Variants in GLIS3 observed in about 807,000 individuals in gnomAD.
GLIS3 encodes the protein GLIS family zinc finger 3.
Under a neutral mutation model 78.6 loss-of-function variants are expected in GLIS3, and 53 were observed. The observed-to-expected ratio is 0.67, with a 90% confidence interval of 0.54 to 0.85. The LOEUF (loss-of-function observed/expected upper bound fraction) is 0.85. Among genes scored for constraint, GLIS3 ranks in the 40% least tolerant of loss-of-function variants. The pLI is 0.00. For missense variants in GLIS3, 1,703 were observed against 1,231.1 expected, an observed-to-expected ratio of 1.38 and a Z score of -5.74; for synonymous variants, 684 against 509.9, an observed-to-expected ratio of 1.34 and a Z score of -4.60.
At chr9:4,301,736 A>G (rs1322450090), upstream of GLIS3, among the ~76,000 whole-genome samples, 1 of 152,236 alleles carries the variant, frequency 6.6e-6, no homozygotes, top group Non-Finnish European at 1.5e-5. Context: ...AGAAGCTTCT[A>G]AAACTTCCCA....
intron 8 of GLIS3, among the ~76,000 whole-genome samples, chr9:3,871,376 T>C (rs1423368234): frequency 6.6e-6 from 1 of 152,200 alleles, no homozygotes; most frequent in African/African-American, 2.4e-5. Flanking sequence ...AGTGTCCCAG[T>C]AGAGACTCTG....
chr9:4,392,017 C>T, the GLIS3 span, among the ~76,000 whole-genome samples: 1 of 152,152 alleles, frequency 6.6e-6, no homozygotes, highest in African/African-American at 2.4e-5. Context: ...CCATCAGTGA[C>T]AGACTGGATA....
chr9:4,392,043 A>G, the GLIS3 span, among the ~76,000 whole-genome samples: 1 of 152,302 alleles, frequency 6.6e-6, no homozygotes, highest in Non-Finnish European at 1.5e-5. Flanking sequence ...AATGTGGTAC[A>G]TTATACACCA....
the GLIS3 span, among the ~76,000 whole-genome samples, chr9:4,486,273 A>C: frequency 6.6e-6 from 1 of 152,300 alleles, no homozygotes; most frequent in African/African-American, 2.4e-5. Context: ...CCCACAAAGA[A>C]GTGGAAGTTC....
chr9:3,921,572 T>C (rs1232684849), intron 6 of GLIS3, among the ~76,000 whole-genome samples: 3 of 152,118 alleles, frequency 2.0e-5, no homozygotes, highest in Admixed American at 6.5e-5. Flanking sequence ...GAGTTGGCCT[T>C]TGTAAAAGTG....
chr9:4,216,624 G>T (rs1820875542), intron 2 of GLIS3, among the ~76,000 whole-genome samples: 1 of 152,044 alleles, frequency 6.6e-6, no homozygotes, highest in African/African-American at 2.4e-5. Context: ...TGCCATTTAT[G>T]AGTTCATGGT....
At position 4,118,266 on chromosome 9, in the gene GLIS3, CTGCAGGCCGCCGTGCTCCAGCTGT is replaced by C. The variant is rs1831868484; in HGVS notation, c.1188_1211del (p.Gln397_Gln404del). Reference sequence around the variant, plus strand: ...CCACCATGTGGTTGACCAGGCCTGGCTGCAGGCCGCCGTGCTCCAGCTGTTGCATGCGCTCGTGCTCCAGGGCCC... The same window carrying C: ...CCACCATGTGGTTGACCAGGCCTGGCTGCATGCGCTCGTGCTCCAGGGCCC... On this transcript the variant is annotated inframe_deletion, in exon 4 of 11. Transcript: ENST00000381971. This position sits in a 1 kb window ranked among gnomAD's most constrained non-coding sequence, Gnocchi z 4.7. 1.3e-6 allele frequency: 2 copies of C among 1,587,842 alleles called. No homozygotes were observed. The highest frequency in any genetic ancestry group is 4.6e-5 in the East Asian group (2 of 43,804).
chr9:4,241,829 C>T (rs1259224214), intron 2 of GLIS3, among the ~76,000 whole-genome samples: 4 of 152,168 alleles, frequency 2.6e-5, no homozygotes, highest in East Asian at 3.9e-4. Flanking sequence ...ATTACAGGCA[C>T]GTACCACCAT....
At chr9:4,335,287 G>C (rs145624353) in intron 2 of GLIS3, among the ~76,000 whole-genome samples, 1 of 152,108 alleles carries the variant, frequency 6.6e-6, no homozygotes, top group Non-Finnish European at 1.5e-5. Context: ...CTCCAGTGAC[G>C]ATCAAAGTCT....
the GLIS3 span, among the ~76,000 whole-genome samples, chr9:4,484,559 C>T: frequency 1.3e-5 from 2 of 151,824 alleles, no homozygotes; most frequent in Admixed American, 6.6e-5. Flanking sequence ...GCTGGGATTA[C>T]AGGCCCTGCC....
At chr9:4,141,229 G>A (rs1012517946) in intron 2 of GLIS3, among the ~76,000 whole-genome samples, 1 of 152,180 alleles carries the variant, frequency 6.6e-6, no homozygotes, top group Non-Finnish European at 1.5e-5. Flanking sequence ...GAGAGAGAGA[G>A]GTGGGATTGC....
intron 2 of GLIS3, among the ~76,000 whole-genome samples, chr9:4,180,005 C>T (rs936953604): frequency 8.5e-5 from 13 of 152,106 alleles, no homozygotes; most frequent in Admixed American, 7.9e-4. Context: ...GAGCCTGCAT[C>T]ACCTTCTTGG....
intron 4 of GLIS3, among the ~76,000 whole-genome samples, chr9:3,986,079 G>C (rs1455559350): frequency 6.6e-6 from 1 of 152,168 alleles, no homozygotes; most frequent in Non-Finnish European, 1.5e-5. Flanking sequence ...TTAAATTACA[G>C]AATAATTTGT....
intron 4 of GLIS3, among the ~76,000 whole-genome samples, chr9:4,088,368 T>A (rs992414617): frequency 6.6e-6 from 1 of 152,216 alleles, no homozygotes; most frequent in Admixed American, 6.5e-5. Flanking sequence ...ATCCAATAAT[T>A]AAAGAAGAGA....
intron 2 of GLIS3, among the ~76,000 whole-genome samples, chr9:4,238,138 C>T (rs1187961223): frequency 6.6e-6 from 1 of 152,200 alleles, no homozygotes; most frequent in Non-Finnish European, 1.5e-5. Flanking sequence ...GCAACTGGGA[C>T]TTCTCGTTCC....
At chr9:4,213,318 C>A (rs1461146701) in intron 2 of GLIS3, among the ~76,000 whole-genome samples, 3 of 152,196 alleles carry the variant, frequency 2.0e-5, no homozygotes, top group Admixed American at 6.5e-5. Context: ...CTAATCTGGG[C>A]TAGTAGCCTC....
intron 2 of GLIS3, among the ~76,000 whole-genome samples, chr9:4,240,963 G>C (rs1156364503): frequency 2.0e-5 from 3 of 152,136 alleles, no homozygotes; most frequent in African/African-American, 4.8e-5. Context: ...GAGTGTGTGT[G>C]TGTGTGTGTA....
At chr9:4,041,036 G>A (rs1824769840) in intron 4 of GLIS3, among the ~76,000 whole-genome samples, 1 of 152,146 alleles carries the variant, frequency 6.6e-6, no homozygotes, top group Non-Finnish European at 1.5e-5. Flanking sequence ...GAAAGTGAAG[G>A]ATAGTTATGT....
At chr9:4,198,755 T>C (rs1284678364) in intron 2 of GLIS3, among the ~76,000 whole-genome samples, 8 of 152,058 alleles carry the variant, frequency 5.3e-5, no homozygotes, top group African/African-American at 7.2e-5. Flanking sequence ...CCAAGACATA[T>C]AGTCACCAGA....
Sources: gnomAD v4.1 joint callset for allele counts (sites outside exome capture counted in the v4.1 genomes callset) on GRCh38, gnomAD v4.1.1 for gene constraint, Gnocchi (gnomAD v3.1) non-coding constraint, MANE v1.5 for transcripts, NCBI Gene and HGNC (gene_info 2026-07-23, HGNC 2026-07-21) for gene names.